The following APOBEC3F variants were observed in gnomAD, a reference collection of about 807,000 sequenced individuals.
The protein encoded by APOBEC3F is apolipoprotein B mRNA editing enzyme catalytic subunit 3F, also known as DNA dC->dU-editing enzyme APOBEC-3F.
In APOBEC3F, 34 loss-of-function variants were observed where a neutral mutation model predicts 45.8. The ratio of observed to expected loss-of-function variants is 0.74; its 90% CI spans 0.57 to 0.99. The LOEUF is 0.99. Ranked by LOEUF, APOBEC3F falls within the 50% of genes least tolerant of loss-of-function variation. The pLI, the probability that APOBEC3F is intolerant of heterozygous loss-of-function variation, is 0.00. For synonymous variants in APOBEC3F, 192 were observed against 174.4 expected, an observed-to-expected ratio of 1.10 and a Z score of -0.80; for missense variants, 459 against 474.1, an observed-to-expected ratio of 0.97 and a Z score of 0.30.
In APOBEC3F at chr22:39,054,690, C is replaced by T. The variant is rs1244060821; in HGVS notation, c.*1995C>T. ...AACATGGTGAACACCACCCGGACTG[C>T]GTGTATGTCCCAAATTACAATTCTT... On this transcript the variant is annotated 3_prime_UTR_variant, in exon 7 of 7. Coordinates refer to ENST00000308521, the MANE Select transcript of APOBEC3F (RefSeq NM_145298.6). Among the ~76,000 whole-genome samples the T allele has an allele frequency of 3.3e-5, 5 of 152,330 alleles. No individual in the cohort carries two copies. The Middle Eastern group carries it at 0.017, about 518-fold the overall frequency.
Position 39,045,088 on chromosome 22 carries a change from C to A in APOBEC3F, c.319C>A (p.Leu107Met), listed in dbSNP as rs141173351. 4.8e-3 allele frequency: 7,692 copies of A among 1,613,590 alleles called. 47 individuals are homozygous for A. Among genetic ancestry groups the A allele is most frequent in the Non-Finnish European group, 5.2e-3 (6,174 of 1,179,648 alleles). The change falls in exon 3 of 7, where the codon CTG becomes ATG. Residue 107 changes from leucine (L) to methionine (M), a missense_variant. Leu to Met is a conservative substitution (Grantham distance 15). Transcript: ENST00000308521. ...CTGTGTGGCGAAGCTGGCCGAATTCCTGGCTGAGCACCCCAATGTCACCCT... is the reference window on the plus strand; with the variant it reads ...CTGTGTGGCGAAGCTGGCCGAATTCATGGCTGAGCACCCCAATGTCACCCT... ...PDCVAKLAEF[L>M]AEHPNVTLTI...
intron 4 of APOBEC3F, among the ~76,000 whole-genome samples, chr22:39,047,322 G>C (rs915191215): frequency 2.0e-5 from 3 of 152,154 alleles, no homozygotes; most frequent in African/African-American, 7.2e-5. Flanking sequence ...TCCCTCTGGA[G>C]GTCCTCCCAT....
At chr22:39,045,333 A>G (rs1018964051) in intron 3 of APOBEC3F, 95 bp from the exon 4 acceptor site, 7 of 1,604,754 alleles carry the variant, frequency 4.4e-6, no homozygotes, top group African/African-American at 2.7e-5. Context: ...GGGCGGGGCC[A>G]GCACTGACAG....
intron 2 of APOBEC3F, chr22:39,044,108 C>G (rs373898830): frequency 6.4e-6 from 10 of 1,555,498 alleles, no homozygotes; most frequent in African/African-American, 1.4e-5. Context: ...ATCAGAGCCC[C>G]ATTTCAAGTG....
chr22:39,046,286 A>G (rs1387755894), intron 4 of APOBEC3F, among the ~76,000 whole-genome samples: 3 of 152,166 alleles, frequency 2.0e-5, no homozygotes, highest in Admixed American at 2.0e-4. Flanking sequence ...GTCTCCAAAT[A>G]CAGTTATCCT....
Position 39,055,589 on chromosome 22 carries a change from C to T in APOBEC3F, c.*2894C>T, listed in dbSNP as rs1927663195. ...TTCACTGAGGAAGGAGACCACCTCT[C>T]TCATTGTCTCCTATTTCAGAAGGAA... On this transcript the variant is annotated 3_prime_UTR_variant, in exon 7 of 7. Transcript: ENST00000308521. 6.6e-6 allele frequency among the ~76,000 whole-genome samples: 1 copy of T among 152,102 alleles called. No homozygotes were observed. The highest frequency in any genetic ancestry group is 2.1e-4 in the South Asian group (1 of 4,820).
intron 5 of APOBEC3F, 23 bp from the exon 6 acceptor site, chr22:39,052,051 C>T (rs746509087): frequency 1.6e-5 from 25 of 1,609,586 alleles, no homozygotes; most frequent in Non-Finnish European, 2.0e-5. Context: ...AGCTCCCCTG[C>T]CCTCCTCCTC....
intron 1 of APOBEC3F, among the ~76,000 whole-genome samples, chr22:39,042,614 G>A (rs531529165): frequency 6.6e-6 from 1 of 152,212 alleles, no homozygotes; most frequent in South Asian, 2.1e-4. Context: ...GTCCAGCCAA[G>A]AACTTTGTTC....
chr22:39,051,484 C>G (rs543509572), intron 5 of APOBEC3F, among the ~76,000 whole-genome samples: 1 of 147,774 alleles, frequency 6.8e-6, no homozygotes, highest in Admixed American at 6.8e-5. Flanking sequence ...TTGCAGTGAG[C>G]GGAGATCGCG....
intron 5 of APOBEC3F, among the ~76,000 whole-genome samples, chr22:39,051,111 C>T (rs7290419): frequency 2.0e-5 from 3 of 152,002 alleles, no homozygotes; most frequent in Non-Finnish European, 2.9e-5. Context: ...GGGGTGTGCC[C>T]CTGTAGTCCC....
intron 1 of APOBEC3F, among the ~76,000 whole-genome samples, chr22:39,041,629 T>G (rs1601490972): frequency 6.6e-6 from 1 of 152,110 alleles, no homozygotes; most frequent in Middle Eastern, 3.4e-3. Flanking sequence ...TTTGGTAGGC[T>G]GAGGTGGGTG....
rs776802773 is a variant in APOBEC3F, at chr22:39,045,411, C to T, written c.452-17C>T. Reference sequence around the variant, plus strand: ...GGTCAGGGCAGAGCCTGACTGCTTCCTGCCTCTTCGTCTCAGAATTTGCAT... The same window carrying T: ...GGTCAGGGCAGAGCCTGACTGCTTCTTGCCTCTTCGTCTCAGAATTTGCAT... On this transcript the variant is annotated splice_polypyrimidine_tract_variant and intron_variant, in intron 3 of 6. Coordinates refer to ENST00000308521, the MANE Select transcript of APOBEC3F (RefSeq NM_145298.6). 6 of 1,614,058 alleles carry T rather than the reference C, an allele frequency of 3.7e-6. No homozygotes were observed. Among genetic ancestry groups the T allele is most frequent in the South Asian group, 3.3e-5 (3 of 91,086 alleles).
rs773937857 is a variant in APOBEC3F, at chr22:39,049,490, A to G, written c.632A>G (p.Tyr211Cys). 15 of 1,613,938 alleles carry G rather than the reference A, an allele frequency of 9.3e-6. No individual in the cohort carries two copies. The highest frequency in any genetic ancestry group is 6.7e-5 in the African/African-American group (5 of 74,896). The change falls in exon 5 of 7, where the codon TAT (tyrosine) becomes TGT (cysteine). Residue 211 changes from tyrosine to cysteine, a missense_variant. Transcript: ENST00000308521. Reference sequence around the variant, plus strand: ...CACTTTAAAAACCTACGCAAAGCCTATGGTCGGAACGAAAGCTGGCTGTGC... The same window carrying G: ...CACTTTAAAAACCTACGCAAAGCCTGTGGTCGGAACGAAAGCTGGCTGTGC... ...YFHFKNLRKA[Y>C]GRNESWLCFT...
At chr22:39,048,090 G>A (rs1665545801) in intron 4 of APOBEC3F, among the ~76,000 whole-genome samples, 1 of 152,164 alleles carries the variant, frequency 6.6e-6, no homozygotes, top group South Asian at 2.1e-4. Flanking sequence ...AATGAAACCT[G>A]CAACATGGAG....
chr22:39,050,232 G>A (rs1237734152), intron 5 of APOBEC3F, among the ~76,000 whole-genome samples: 2 of 150,426 alleles, frequency 1.3e-5, no homozygotes, highest in East Asian at 2.0e-4. Context: ...GCCTGGGCCA[G>A]TCACTGTGGG....
chr22:39,048,399 G>A (rs1164391750), intron 4 of APOBEC3F, among the ~76,000 whole-genome samples: 1 of 152,232 alleles, frequency 6.6e-6, no homozygotes, highest in Non-Finnish European at 1.5e-5. Context: ...GGCTGGCCGG[G>A]CACAGTGACT....
intron 1 of APOBEC3F, 35 bp from the exon 2 acceptor site, chr22:39,042,902 C>T (rs369555397): frequency 8.7e-6 from 14 of 1,612,480 alleles, no homozygotes; most frequent in Non-Finnish European, 1.2e-5. Flanking sequence ...CGGGAGCGCT[C>T]TCTACATTGG....
At chr22:39,048,951 C>T (rs1174373685) in intron 4 of APOBEC3F, among the ~76,000 whole-genome samples, 2 of 151,928 alleles carry the variant, frequency 1.3e-5, no homozygotes, top group Non-Finnish European at 1.5e-5. Flanking sequence ...CGCCACTGCA[C>T]TCCAGCCTGG....
At chr22:39,045,684 G>A (rs1286158002) in intron 4 of APOBEC3F, 142 bp downstream of exon 4, 16 of 1,457,556 alleles carry the variant, frequency 1.1e-5, no homozygotes, top group Non-Finnish European at 1.5e-5. Flanking sequence ...CACACTCCTT[G>A]TGCTCCTTCC....
Sources: allele counts gnomAD v4.1 joint callset (sites outside exome capture counted in the v4.1 genomes callset), GRCh38; gene constraint gnomAD v4.1.1; transcripts MANE v1.5; gene names NCBI Gene and HGNC (gene_info 2026-07-23, HGNC 2026-07-21).